Variants in MTUS2 observed in about 807,000 individuals in gnomAD.
MTUS2 encodes microtubule associated scaffold protein 2, also known as microtubule-associated tumor suppressor candidate 2.
MTUS2 carries 40 observed loss-of-function variants against 114.1 expected under a neutral mutation model. The observed-to-expected ratio is 0.35, with a 90% CI of 0.27 to 0.46. MTUS2 has a LOEUF of 0.46. Ranked by LOEUF, MTUS2 falls within the 20% of genes least tolerant of loss-of-function variation. MTUS2 has a pLI of 1.00. For synonymous variants in MTUS2, 688 were observed against 672.0 expected (o/e 1.02, Z -0.37); for missense variants, 1,679 against 1,705.4 (o/e 0.98, Z 0.27).
intron 2 of MTUS2, among the ~76,000 whole-genome samples, chr13:28,923,049 T>C (rs1415859150): frequency 6.6e-6 from 1 of 152,222 alleles, no homozygotes; most frequent in Non-Finnish European, 1.5e-5. Context: ...TTTTCTCTAT[T>C]GTTAAAATTG....
At chr13:29,036,796 T>C (rs1887096501) in intron 4 of MTUS2, among the ~76,000 whole-genome samples, 1 of 151,420 alleles carries the variant, frequency 6.6e-6, no homozygotes, top group South Asian at 2.1e-4. Flanking sequence ...TTTGTTGGTT[T>C]AAAGTCTGTT....
At chr13:29,260,429 AC>A (rs1231337867) in intron 5 of MTUS2, among the ~76,000 whole-genome samples, 1 of 152,124 alleles carries the variant, frequency 6.6e-6, no homozygotes, top group Admixed American at 6.5e-5. Flanking sequence ...ACAGTCATGA[AC>A]CCGTTTATGC....
intron 5 of MTUS2, among the ~76,000 whole-genome samples, chr13:29,192,009 G>A (rs1249279554): frequency 2.0e-5 from 3 of 152,224 alleles, no homozygotes; most frequent in African/African-American, 2.4e-5. Context: ...GAGATGAACA[G>A]TATAGAAGTC....
At chr13:29,285,031 T>C (rs7327246) in intron 6 of MTUS2, among the ~76,000 whole-genome samples, 26,051 of 151,636 alleles carry the variant, frequency 0.17, 2,346 homozygotes, top group African/African-American at 0.22. Context: ...ATATAAAAAC[T>C]ATGAGGATTC....
At chr13:29,048,421 T>A (rs1887734840) in intron 4 of MTUS2, among the ~76,000 whole-genome samples, 1 of 152,238 alleles carries the variant, frequency 6.6e-6, no homozygotes, top group Admixed American at 6.5e-5. Context: ...GGATGTTTTT[T>A]TAGATGACAG....
rs370099238 is a variant in MTUS2 at position 29,025,598 on chromosome 13, A to C, written c.900A>C (p.Gln300His). Residue 300 changes from glutamine to histidine, a missense_variant, in exon 3 of 16, where the codon CAA becomes CAC. Physicochemically the swap from Gln to His is conservative, Grantham distance 24. Transcript: ENST00000612955. ...SKEIPSKLEA[Q>H]LGQGKGEAKL... ...AAATCCCAAGTAAACTGGAAGCACA[A>C]TTAGGTCAGGGAAAGGGAGAGGCCA... The C allele has an allele frequency of 1.9e-6, 3 of 1,613,922 alleles. No homozygotes were observed. The highest frequency in any genetic ancestry group is 2.7e-5 in the African/African-American group (2 of 74,936).
chr13:29,366,690 T>C (rs2388089), intron 8 of MTUS2, among the ~76,000 whole-genome samples: 148,182 of 152,288 alleles, frequency 0.97, 72,234 homozygotes, highest in East Asian at 1. Flanking sequence ...TAACAAACCT[T>C]TGTGGAGCAT....
chr13:28,919,838 T>C (rs185752349), intron 2 of MTUS2, among the ~76,000 whole-genome samples: 1 of 152,368 alleles, frequency 6.6e-6, no homozygotes, highest in Admixed American at 6.5e-5. Flanking sequence ...TCTACATCAA[T>C]TCTGCCCTAA....
chr13:29,406,642 T>G (rs150363618), intron 8 of MTUS2, among the ~76,000 whole-genome samples: 1 of 152,346 alleles, frequency 6.6e-6, no homozygotes, highest in African/African-American at 2.4e-5. Context: ...CCTCATATGG[T>G]GTGGGACAGG....
rs568706617 is a variant in MTUS2 at position 28,884,675 on chromosome 13, AT to A, written c.-243+44826del. On this transcript the variant is annotated intron_variant, in intron 2 of 15. Transcript: ENST00000612955. ...AGTGAAATCTGAATGAAGTTTGTAG[AT>A]GTACCAATGCAGTTTTCTGGTTTGA... Among the ~76,000 whole-genome samples, 889 of 152,318 alleles carry A rather than the reference AT, an allele frequency of 5.8e-3. 6 individuals carry two copies. Among genetic ancestry groups the A allele is most frequent in the Non-Finnish European group, 9.4e-3 (640 of 68,026 alleles).
rs775222983 is a variant in MTUS2 at position 29,497,298 on chromosome 13, G to A, written c.3640G>A (p.Glu1214Lys). The change falls in exon 13 of 16, where the codon GAA (glutamate) becomes AAA (lysine). Residue 1214 changes from glutamate to lysine, a missense_variant. Transcript: ENST00000612955. ...QSLRDRARRFEEALRKNTEEQ... is the reference protein window; with the variant it reads ...QSLRDRARRFKEALRKNTEEQ... ...TCTGCGGGACAGAGCCCGCCGCTTC[G>A]AAGAGGCCTTGAGGAAGAACACAGA... 12 of 1,611,996 alleles carry A rather than the reference G, an allele frequency of 7.4e-6. No homozygotes were observed. Among genetic ancestry groups the A allele is most frequent in the Admixed American group, 1.7e-5 (1 of 59,994 alleles).
chr13:28,910,772 A>G (rs944922296), intron 2 of MTUS2, among the ~76,000 whole-genome samples: 3 of 147,256 alleles, frequency 2.0e-5, no homozygotes, highest in Admixed American at 6.9e-5. Flanking sequence ...TTCTTTATCC[A>G]GTCTATCATT....
intron 4 of MTUS2, among the ~76,000 whole-genome samples, chr13:29,076,655 A>G (rs1376705979): frequency 6.6e-6 from 1 of 152,162 alleles, no homozygotes; most frequent in African/African-American, 2.4e-5. Context: ...CTCATGGCAT[A>G]GCTGGCTTCC....
At chr13:29,067,140 C>T (rs1193670985) in intron 4 of MTUS2, among the ~76,000 whole-genome samples, 1 of 151,978 alleles carries the variant, frequency 6.6e-6, no homozygotes, top group Non-Finnish European at 1.5e-5. Flanking sequence ...TTCCAAAATG[C>T]TGAAATTGGA....
intron 6 of MTUS2, among the ~76,000 whole-genome samples, chr13:29,283,275 G>A (rs1207102632): frequency 6.6e-6 from 1 of 152,172 alleles, no homozygotes; most frequent in African/African-American, 2.4e-5. Flanking sequence ...ACTTAAATTG[G>A]CTCATTTAAT....
At position 29,504,818 on chromosome 13, in the gene MTUS2, G is replaced by A. The variant is rs527643283; in HGVS notation, c.*1612G>A. Reference sequence around the variant, plus strand: ...CAGGCCTGTCTTTGAGCGTGCCCAAGGCGAGAAGAACCATGAGGGGGTCCT... The same window carrying A: ...CAGGCCTGTCTTTGAGCGTGCCCAAAGCGAGAAGAACCATGAGGGGGTCCT... On this transcript the variant is annotated 3_prime_UTR_variant, in exon 16 of 16. Coordinates refer to ENST00000612955, the MANE Select transcript of MTUS2 (RefSeq NM_001033602.4). 4.3e-6 allele frequency: 1 copy of A among 233,070 alleles called. No individual in the cohort carries two copies. The highest frequency in any genetic ancestry group is 6.0e-5 in the East Asian group (1 of 16,558). The allele number at this position is 233,070 out of a possible 1,614,324, so 14.4% of individuals were successfully genotyped here.
chr13:29,243,396 A>G (rs918331106), intron 5 of MTUS2, among the ~76,000 whole-genome samples: 1 of 152,240 alleles, frequency 6.6e-6, no homozygotes, highest in Non-Finnish European at 1.5e-5. Context: ...CAAATGCAGC[A>G]TAAAGACCCA....
At chr13:29,358,273 T>G (rs185602595) in intron 7 of MTUS2, among the ~76,000 whole-genome samples, 1 of 152,306 alleles carries the variant, frequency 6.6e-6, no homozygotes, top group African/African-American at 2.4e-5. Flanking sequence ...GCACGGGTCT[T>G]GGACTGTGGT....
intron 6 of MTUS2, among the ~76,000 whole-genome samples, chr13:29,290,034 C>A (rs1286103902): frequency 6.6e-6 from 1 of 152,118 alleles, no homozygotes; most frequent in Middle Eastern, 3.2e-3. Flanking sequence ...AGAGGAAAAC[C>A]ATGTTGCCAT....
Sources: gnomAD v4.1 joint callset for allele counts (sites outside exome capture counted in the v4.1 genomes callset) on GRCh38, gnomAD v4.1.1 for gene constraint, MANE v1.5 for transcripts, NCBI Gene and HGNC (gene_info 2026-07-23, HGNC 2026-07-21) for gene names.